TAOK1: variants seen among roughly 807,000 people sequenced by gnomAD.
The protein encoded by TAOK1 is serine/threonine-protein kinase TAO1.
A neutral mutation model predicts 138.3 loss-of-function variants in TAOK1; 21 were observed. That is an observed-to-expected ratio of 0.15 (90% CI 0.11 to 0.22). The LOEUF (loss-of-function observed/expected upper bound fraction) is 0.22, where lower values mean the gene tolerates loss of function less well. Among genes scored for constraint, TAOK1 ranks in the 10% least tolerant of loss-of-function variants. TAOK1 has a pLI of 1.00. For synonymous variants in TAOK1, 361 were observed against 398.4 expected (o/e 0.91, Z 1.12); for missense variants, 651 against 1,227.7 (o/e 0.53, Z 7.02).
At chr17:29,425,709 T>C (rs995518871) in intron 1 of TAOK1, among the ~76,000 whole-genome samples, 4 of 152,074 alleles carry the variant, frequency 2.6e-5, no homozygotes. Flanking sequence ...CTTTTTACTT[T>C]AGTAAGGGAG....
chr17:29,524,078 G>A (rs1306174477), intron 17 of TAOK1, among the ~76,000 whole-genome samples: 1 of 152,158 alleles, frequency 6.6e-6, no homozygotes, highest in Non-Finnish European at 1.5e-5. Context: ...TCATGTGAAT[G>A]TGAGTAAAAT....
intron 3 of TAOK1, among the ~76,000 whole-genome samples, chr17:29,474,182 G>T (rs1279421144): frequency 6.6e-6 from 1 of 152,166 alleles, no homozygotes; most frequent in East Asian, 1.9e-4. Flanking sequence ...CTCTAGATTA[G>T]ACTTTGTTTT....
intron 1 of TAOK1, among the ~76,000 whole-genome samples, chr17:29,414,138 C>T (rs1262525504): frequency 6.6e-6 from 1 of 152,158 alleles, no homozygotes; most frequent in Admixed American, 6.6e-5. Context: ...CTGCCTCAGC[C>T]TCCCAAAGTG....
intron 3 of TAOK1, among the ~76,000 whole-genome samples, chr17:29,471,444 A>AT (rs2030816792): frequency 6.6e-6 from 1 of 150,802 alleles, no homozygotes; most frequent in South Asian, 2.1e-4. Context: ...CGCCTGGCTA[A>AT]TTTTTTGTAT....
chr17:29,454,289 A>G (rs2051997951), intron 2 of TAOK1, among the ~76,000 whole-genome samples: 1 of 152,108 alleles, frequency 6.6e-6, no homozygotes, highest in South Asian at 2.1e-4. Context: ...GTCTATCTTT[A>G]TGTCAGTACC....
At chr17:29,442,324 A>G (rs1598482790) in intron 1 of TAOK1, among the ~76,000 whole-genome samples, 1 of 149,166 alleles carries the variant, frequency 6.7e-6, no homozygotes, top group African/African-American at 2.5e-5. Context: ...GGGATTACAG[A>G]CCTCACCACT....
chr17:29,533,345 T>C (rs1399340300), intron 18 of TAOK1, among the ~76,000 whole-genome samples: 1 of 147,692 alleles, frequency 6.8e-6, no homozygotes, highest in Non-Finnish European at 1.5e-5. Flanking sequence ...GAGATGTTCC[T>C]CACTTTCCAC....
chr17:29,429,504 G>T (rs1905759287), intron 1 of TAOK1, among the ~76,000 whole-genome samples: 1 of 152,026 alleles, frequency 6.6e-6, no homozygotes, highest in Non-Finnish European at 1.5e-5. Flanking sequence ...TCAAATGCTT[G>T]ACCTCAAGTG....
intron 1 of TAOK1, among the ~76,000 whole-genome samples, chr17:29,414,144 A>G (rs1905211752): frequency 6.6e-6 from 1 of 151,924 alleles, no homozygotes; most frequent in African/African-American, 2.4e-5. Flanking sequence ...CAGCCTCCCA[A>G]AGTGCTGGGA....
intron 2 of TAOK1, among the ~76,000 whole-genome samples, chr17:29,462,692 A>G (rs1351654041): frequency 6.6e-6 from 1 of 152,246 alleles, no homozygotes; most frequent in African/African-American, 2.4e-5. Flanking sequence ...CCATTTATAT[A>G]TAATTAATTG....
At chr17:29,517,276 C>T (rs554962618) in intron 15 of TAOK1, among the ~76,000 whole-genome samples, 177 bp from the exon 16 acceptor site, 35 of 152,114 alleles carry the variant, frequency 2.3e-4, no homozygotes, top group South Asian at 6.2e-4. Flanking sequence ...GTGTCAGCCA[C>T]CACGCCCAGC....
intron 1 of TAOK1, among the ~76,000 whole-genome samples, chr17:29,402,672 AGATTT>A (rs1378010659): frequency 6.6e-6 from 1 of 152,140 alleles, no homozygotes; most frequent in African/African-American, 2.4e-5. Flanking sequence ...GGACATATAT[AGATTT>A]GATTTAATTG....
rs1254590842 is a variant in TAOK1, at chr17:29,545,455, A to T, written c.*2433A>T. 1 of 152,232 alleles carries T rather than the reference A, an allele frequency of 6.6e-6. No homozygotes were observed. Among genetic ancestry groups the T allele is most frequent in the Non-Finnish European group, 1.5e-5 (1 of 68,030 alleles). 9.4% of individuals were successfully genotyped at this position (152,232 alleles called of 1,614,324 possible). On this transcript the variant is annotated 3_prime_UTR_variant, in exon 20 of 20. Transcript: ENST00000261716. ...AAATATTATTGGTGGTACATTTTAA[A>T]GTCCAATTGTGGACTTAAATTAGTC...
chr17:29,491,977 C>T (rs2035505393), intron 10 of TAOK1, 112 bp downstream of exon 10: 4 of 709,168 alleles, frequency 5.6e-6, no homozygotes, highest in South Asian at 1.8e-5. Flanking sequence ...CTTGACCTCC[C>T]AGGCTCAAGC....
At chr17:29,542,473 C>A in intron 19 of TAOK1, 88 bp from the exon 20 acceptor site, 4 of 1,125,762 alleles carry the variant, frequency 3.6e-6, no homozygotes, top group South Asian at 2.2e-5. Context: ...ATAAAATAAC[C>A]ACTTCAAAGC....
intron 2 of TAOK1, 130 bp downstream of exon 2, chr17:29,451,810 G>C: frequency 2.0e-6 from 2 of 990,258 alleles, no homozygotes; most frequent in Non-Finnish European, 2.9e-6. Flanking sequence ...GGGGAAGAGA[G>C]AGAGCGCGAG....
chr17:29,506,950 A>G (rs1470186266), intron 13 of TAOK1, among the ~76,000 whole-genome samples: 6 of 152,212 alleles, frequency 3.9e-5, no homozygotes, highest in Non-Finnish European at 7.4e-5. Flanking sequence ...ACATACTACA[A>G]CATGGATAAA....
Position 29,415,261 on chromosome 17 carries a change from G to A in TAOK1, c.-95+24237G>A, listed in dbSNP as rs577101426. On this transcript the variant is annotated intron_variant, in intron 1 of 19. Transcript: ENST00000261716. Reference sequence around the variant, plus strand: ...GGGATTACAGGCGGTGAGCCACCGCGCCCAGCTGTTTTATACTTTTTGGCT... The same window carrying A: ...GGGATTACAGGCGGTGAGCCACCGCACCCAGCTGTTTTATACTTTTTGGCT... 1.4e-3 allele frequency among the ~76,000 whole-genome samples: 215 copies of A among 152,216 alleles called. 1 individual carries two copies. Among genetic ancestry groups the A allele is most frequent in the Non-Finnish European group, 2.3e-3 (156 of 68,020 alleles).
intron 1 of TAOK1, among the ~76,000 whole-genome samples, chr17:29,449,529 T>C (rs909889037): frequency 6.6e-6 from 1 of 152,126 alleles, no homozygotes; most frequent in Admixed American, 6.6e-5. Context: ...GATGGAGCTG[T>C]TTTTTTCTCT....
Sources: gnomAD v4.1 joint callset for allele counts (sites outside exome capture counted in the v4.1 genomes callset) on GRCh38, gnomAD v4.1.1 for gene constraint, MANE v1.5 for transcripts, NCBI Gene and HGNC (gene_info 2026-07-23, HGNC 2026-07-21) for gene names.